SCAPER: variants seen among roughly 807,000 people sequenced by gnomAD.
SCAPER encodes S phase cyclin A-associated protein in the endoplasmic reticulum.
A neutral mutation model predicts 182.2 loss-of-function variants in SCAPER; 98 were observed. The ratio of observed to expected loss-of-function variants is 0.54; its 90% CI spans 0.46 to 0.64. The LOEUF is 0.64. Ranked by LOEUF, SCAPER falls within the 30% of genes least tolerant of loss-of-function variation. The probability of loss-of-function intolerance (pLI) is 0.00; values close to 1 mark genes in which losing one functional copy is unlikely to be tolerated. For synonymous variants in SCAPER, 605 were observed against 564.6 expected (o/e 1.07, Z -1.01); for missense variants, 1,432 against 1,690.0 (o/e 0.85, Z 2.68).
At chr15:76,838,446 G>A (rs2069146335) in intron 5 of SCAPER, among the ~76,000 whole-genome samples, 1 of 152,134 alleles carries the variant, frequency 6.6e-6, no homozygotes, top group African/African-American at 2.4e-5. Context: ...CCCAAAGGAA[G>A]CTCCTATGAC....
At chr15:76,513,923 C>T (rs1200165308) in intron 23 of SCAPER, among the ~76,000 whole-genome samples, 1 of 152,148 alleles carries the variant, frequency 6.6e-6, no homozygotes, top group East Asian at 1.9e-4. Context: ...AATCAAAGCT[C>T]TCTGTATATT....
At chr15:76,733,157 C>T (rs780752047) in intron 16 of SCAPER, 72 bp downstream of exon 16, 30 of 1,408,648 alleles carry the variant, frequency 2.1e-5, no homozygotes, top group Non-Finnish European at 2.2e-5. Context: ...AAAAACCCAC[C>T]GACCCTGCGG....
rs367659706 is a variant in SCAPER, at chr15:76,705,699, T to C, written c.2247+204A>G. The stretch of plus-strand genomic sequence containing the variant: ...ACAGGAAATGTTAAACTTCCTTAAA[T>C]TTTTTTTCCTCAATGGCCCTACCAT... On this transcript the variant is annotated intron_variant, in intron 18 of 31. Transcript: ENST00000563290. 1.4e-4 allele frequency among the ~76,000 whole-genome samples: 21 copies of C among 152,060 alleles called. No individual in the cohort carries two copies. In the East Asian group the frequency reaches 3.1e-3, roughly 22 times the overall value.
At chr15:76,856,009 T>A (rs1228478083) in intron 4 of SCAPER, 1 of 175,366 alleles carries the variant, frequency 5.7e-6, no homozygotes. Flanking sequence ...AGCAAAGAAA[T>A]GGAATCAACC....
intron 5 of SCAPER, among the ~76,000 whole-genome samples, chr15:76,820,726 A>T (rs2067475018): frequency 6.6e-6 from 1 of 152,042 alleles, no homozygotes; most frequent in Non-Finnish European, 1.5e-5. Flanking sequence ...GTACCCTAAA[A>T]CTTAAAGTAT....
At chr15:76,536,881 A>G (rs956549339) in intron 23 of SCAPER, among the ~76,000 whole-genome samples, 2 of 151,974 alleles carry the variant, frequency 1.3e-5, no homozygotes, top group African/African-American at 4.8e-5. Context: ...TCAGGATACA[A>G]AATCAATGTA....
chr15:76,738,403 T>G (rs2061382870), intron 15 of SCAPER, among the ~76,000 whole-genome samples: 1 of 152,162 alleles, frequency 6.6e-6, no homozygotes, highest in Non-Finnish European at 1.5e-5. Flanking sequence ...GCTTTTGATT[T>G]AAAGTGAAAG....
chr15:76,374,356 C>G (rs908013936), intron 29 of SCAPER, among the ~76,000 whole-genome samples: 7 of 151,964 alleles, frequency 4.6e-5, no homozygotes, highest in African/African-American at 1.7e-4. Context: ...CCACTGCACT[C>G]TAGCCTGGGT....
intron 17 of SCAPER, among the ~76,000 whole-genome samples, chr15:76,720,643 T>G (rs2060175163): frequency 6.6e-6 from 1 of 152,216 alleles, no homozygotes; most frequent in African/African-American, 2.4e-5. Flanking sequence ...AGATGGTATC[T>G]CATTGTGGTT....
intron 17 of SCAPER, 111 bp downstream of exon 17, chr15:76,728,484 C>T: frequency 7.1e-7 from 1 of 1,402,754 alleles, no homozygotes; most frequent in South Asian, 1.3e-5. Context: ...ACCTGGGGAA[C>T]ATCGCAAAAC....
At chr15:76,765,263 A>AATTTT in intron 13 of SCAPER, 74 bp downstream of exon 13, 1 of 1,229,224 alleles carries the variant, frequency 8.1e-7, no homozygotes, top group Middle Eastern at 2.1e-4. Context: ...GCCACGTAGC[A>AATTTT]ATTTTATTTA....
At chr15:76,759,841 G>GT (rs1016072205) in intron 14 of SCAPER, among the ~76,000 whole-genome samples, 5 of 152,040 alleles carry the variant, frequency 3.3e-5, no homozygotes, top group Admixed American at 6.5e-5. Context: ...GATTGTAGAT[G>GT]TATTCTTGAA....
intron 5 of SCAPER, among the ~76,000 whole-genome samples, chr15:76,821,060 A>C (rs914451039): frequency 3.9e-5 from 6 of 152,238 alleles, no homozygotes; most frequent in Non-Finnish European, 1.5e-5. Context: ...TTTGGAAGAC[A>C]GTGTGGCAGT....
At chr15:76,430,014 TGGCCATGGCTAAAGG>T (rs751032117) in intron 26 of SCAPER, among the ~76,000 whole-genome samples, 3 of 152,190 alleles carry the variant, frequency 2.0e-5, no homozygotes, top group Admixed American at 6.6e-5. Context: ...CCAGCCACTC[TGGCCATGGCTAAAGG>T]GGCCAAGATA....
chr15:76,649,121 C>T (rs1439035322), intron 21 of SCAPER, among the ~76,000 whole-genome samples: 3 of 152,104 alleles, frequency 2.0e-5, no homozygotes, highest in Admixed American at 2.0e-4. Flanking sequence ...AGCTGTTCTC[C>T]TTTCTCTTTC....
At chr15:76,734,595 T>C (rs1018998784) in intron 15 of SCAPER, among the ~76,000 whole-genome samples, 1 of 152,100 alleles carries the variant, frequency 6.6e-6, no homozygotes, top group African/African-American at 2.4e-5. Flanking sequence ...AAATACAAGA[T>C]AGGCCAGGTG....
intron 8 of SCAPER, among the ~76,000 whole-genome samples, chr15:76,782,364 C>T (rs1203978709): frequency 6.6e-6 from 1 of 152,242 alleles, no homozygotes; most frequent in African/African-American, 2.4e-5. Flanking sequence ...GCACCCAATA[C>T]ACTCAGATTC....
chr15:76,375,471 T>A (rs1045981121), intron 29 of SCAPER, among the ~76,000 whole-genome samples: 2 of 151,824 alleles, frequency 1.3e-5, no homozygotes. Context: ...TAATACTATA[T>A]GAAAAGTGAC....
intron 2 of SCAPER, among the ~76,000 whole-genome samples, chr15:76,870,012 T>C (rs1011493198): frequency 6.6e-6 from 1 of 152,166 alleles, no homozygotes; most frequent in Non-Finnish European, 1.5e-5. Flanking sequence ...AACTATCATA[T>C]GTTCTCCCTC....
Sources: allele counts gnomAD v4.1 joint callset (sites outside exome capture counted in the v4.1 genomes callset), GRCh38; gene constraint gnomAD v4.1.1; transcripts MANE v1.5; gene names NCBI Gene and HGNC (gene_info 2026-07-23, HGNC 2026-07-21).